PCCA: variants seen among roughly 807,000 people sequenced by gnomAD.
PCCA encodes the protein propionyl-CoA carboxylase alpha chain, mitochondrial.
A neutral mutation model predicts 101.3 loss-of-function variants in PCCA; 74 were observed. The ratio of observed to expected loss-of-function variants is 0.73; its 90% CI spans 0.61 to 0.89. PCCA has a LOEUF of 0.89. Ranked by LOEUF, PCCA falls within the 40% of genes least tolerant of loss-of-function variation. The pLI is 0.00. For missense variants in PCCA, 891 were observed against 907.0 expected (o/e 0.98, Z 0.23); for synonymous variants, 294 against 313.6 (o/e 0.94, Z 0.66).
rs377741205 is a variant in PCCA at position 100,211,395 on chromosome 13, T to A, written c.600+1932T>A. ...TTCCTCATTCCTACTGAATTTCTCTTGCAAAGCTACCAGCAACCTCTTCCC... is the reference window on the plus strand; with the variant it reads ...TTCCTCATTCCTACTGAATTTCTCTAGCAAAGCTACCAGCAACCTCTTCCC... On this transcript the variant is annotated intron_variant, in intron 7 of 23. Coordinates refer to ENST00000376285, the MANE Select transcript of PCCA (RefSeq NM_000282.4). Among the ~76,000 whole-genome samples, 148 of 152,324 alleles carry A rather than the reference T, an allele frequency of 9.7e-4. 4 individuals are homozygous for A. The South Asian group carries it at 0.028, about 29-fold the overall frequency.
intron 9 of PCCA, among the ~76,000 whole-genome samples, chr13:100,260,892 T>TA (rs767024619): frequency 1.1e-3 from 153 of 137,372 alleles, no homozygotes; most frequent in Non-Finnish European, 1.2e-3. Flanking sequence ...AACCATCCTT[T>TA]AAAAAAAAAA....
At chr13:100,316,762 T>C (rs190837856) in intron 16 of PCCA, among the ~76,000 whole-genome samples, 89 of 151,434 alleles carry the variant, frequency 5.9e-4, no homozygotes, top group South Asian at 1.3e-3. Flanking sequence ...ATATTAAATA[T>C]ATATGTTAAT....
chr13:100,369,098 A>G (rs2075400366), intron 19 of PCCA, among the ~76,000 whole-genome samples: 1 of 152,338 alleles, frequency 6.6e-6, no homozygotes, highest in East Asian at 1.9e-4. Flanking sequence ...ACAAGATTAC[A>G]GTAAGATTTC....
At chr13:100,169,927 T>C (rs1164918069) in intron 6 of PCCA, among the ~76,000 whole-genome samples, 2 of 152,170 alleles carry the variant, frequency 1.3e-5, no homozygotes, top group Non-Finnish European at 2.9e-5. Context: ...CTCAAACTGC[T>C]GACCTCAGGT....
Position 100,261,893 on chromosome 13 carries a change from C to T in PCCA, c.717-836C>T, listed in dbSNP as rs574937940. ...AATATTAAGCAGTGTTCTTAAGAAT[C>T]TTCCTGTTGGATGTTCAATCTCAAT... On this transcript the variant is annotated intron_variant, in intron 9 of 23. Transcript: ENST00000376285. 3.0e-4 allele frequency among the ~76,000 whole-genome samples: 45 copies of T among 152,250 alleles called. 1 individual carries two copies. The highest frequency in any genetic ancestry group is 1.1e-3 in the African/African-American group (44 of 41,556).
At chr13:100,346,883 T>A (rs1196125870) in intron 18 of PCCA, among the ~76,000 whole-genome samples, 4 of 152,114 alleles carry the variant, frequency 2.6e-5, no homozygotes, top group Non-Finnish European at 5.9e-5. Context: ...AATAAAGTTT[T>A]TTTTTTTGGA....
intron 6 of PCCA, among the ~76,000 whole-genome samples, chr13:100,179,699 TCCTCTTCC>T (rs2056607901): frequency 6.9e-6 from 1 of 144,428 alleles, no homozygotes; most frequent in Non-Finnish European, 1.5e-5. Context: ...AGAAGGGTCA[TCCTCTTCC>T]CACAATGGTT....
At chr13:100,089,254 G>A (rs1163484493) in intron 1 of PCCA, 29 bp downstream of exon 1, 6 of 1,456,552 alleles carry the variant, frequency 4.1e-6, no homozygotes, top group African/African-American at 1.5e-5. Flanking sequence ...TCGCGGGTCC[G>A]GGCTTCACTG....
At chr13:100,221,283 C>A (rs145738849) in intron 7 of PCCA, among the ~76,000 whole-genome samples, 89 of 152,296 alleles carry the variant, frequency 5.8e-4, no homozygotes, top group African/African-American at 2.1e-3. Flanking sequence ...GGACCTCTAC[C>A]CAGTGTGACT....
intron 7 of PCCA, among the ~76,000 whole-genome samples, chr13:100,224,941 A>G (rs2060064438): frequency 6.6e-6 from 1 of 152,188 alleles, no homozygotes; most frequent in African/African-American, 2.4e-5. Flanking sequence ...TAGGATCCAG[A>G]TATGTATGGG....
chr13:100,288,269 C>T (rs1164791730), intron 12 of PCCA, among the ~76,000 whole-genome samples: 4 of 152,038 alleles, frequency 2.6e-5, no homozygotes, highest in Admixed American at 1.3e-4. Context: ...ACTGATGAGC[C>T]GTTATCGATG....
intron 6 of PCCA, among the ~76,000 whole-genome samples, chr13:100,168,237 C>T (rs941979106): frequency 6.6e-6 from 1 of 152,148 alleles, no homozygotes; most frequent in African/African-American, 2.4e-5. Flanking sequence ...TAACAGTATA[C>T]AAGATGTCAG....
chr13:100,213,845 G>A (rs1416668458), intron 7 of PCCA, among the ~76,000 whole-genome samples: 3 of 151,964 alleles, frequency 2.0e-5, no homozygotes, highest in African/African-American at 7.3e-5. Flanking sequence ...GTTTTCTTTT[G>A]GTAGTTTCAT....
At chr13:100,345,715 T>C (rs1425365492) in intron 18 of PCCA, among the ~76,000 whole-genome samples, 1 of 152,170 alleles carries the variant, frequency 6.6e-6, no homozygotes, top group East Asian at 1.9e-4. Context: ...TCTCATACTT[T>C]CATAGCTAGA....
intron 21 of PCCA, among the ~76,000 whole-genome samples, chr13:100,464,743 G>A (rs2152947177): frequency 6.6e-6 from 1 of 152,308 alleles, no homozygotes; most frequent in East Asian, 1.9e-4. Flanking sequence ...AAAAACATCT[G>A]TTTCCTTGAA....
chr13:100,424,099 T>C (rs147596451), intron 19 of PCCA, among the ~76,000 whole-genome samples: 2 of 152,318 alleles, frequency 1.3e-5, no homozygotes, highest in East Asian at 3.9e-4. Flanking sequence ...TACTGCCTTT[T>C]TTCCCCCCAT....
intron 7 of PCCA, among the ~76,000 whole-genome samples, chr13:100,231,876 GT>G (rs1193293489): frequency 1.3e-5 from 2 of 152,008 alleles, no homozygotes; most frequent in African/African-American, 4.8e-5. Context: ...CCGGCTGTCT[GT>G]CCTACTTTTG....
chr13:100,187,297 G>A (rs994991692), intron 6 of PCCA, among the ~76,000 whole-genome samples: 8 of 152,172 alleles, frequency 5.3e-5, no homozygotes, highest in South Asian at 2.1e-4. Context: ...CTGTAAGAAC[G>A]AATCAAGATT....
chr13:100,146,871 G>A (rs1294478519), intron 4 of PCCA, among the ~76,000 whole-genome samples: 1 of 142,014 alleles, frequency 7.0e-6, no homozygotes, highest in African/African-American at 3.1e-5. Flanking sequence ...AGATTGGCAT[G>A]TTTAGGGAAG....
Sources: gnomAD v4.1 joint callset for allele counts (sites outside exome capture counted in the v4.1 genomes callset) on GRCh38, gnomAD v4.1.1 for gene constraint, MANE v1.5 for transcripts, NCBI Gene and HGNC (gene_info 2026-07-23, HGNC 2026-07-21) for gene names.